The following GGT7 variants were observed in gnomAD, a reference collection of about 807,000 sequenced individuals.
GGT7 encodes the protein glutathione hydrolase 7.
A neutral mutation model predicts 69.2 loss-of-function variants in GGT7; 30 were observed. That is an observed-to-expected ratio of 0.43 (90% CI 0.32 to 0.59). GGT7 has a LOEUF of 0.59. GGT7 is among the 20% of genes least tolerant of loss of function. GGT7 has a pLI of 0.05. For synonymous variants in GGT7, 388 were observed against 391.8 expected (o/e 0.99, Z 0.12); for missense variants, 733 against 901.1 (o/e 0.81, Z 2.39).
chr20:34,867,579 G>T, intron 1 of GGT7, among the ~76,000 whole-genome samples: 1 of 152,104 alleles, frequency 6.6e-6, no homozygotes, highest in Non-Finnish European at 1.5e-5. Flanking sequence ...AGCCAGGAAT[G>T]GTGGTGTGCA....
chr20:34,859,419 C>A (rs754593599), intron 7 of GGT7, 24 bp downstream of exon 7: 1 of 1,546,968 alleles, frequency 6.5e-7, no homozygotes, highest in South Asian at 1.2e-5. Flanking sequence ...GGCATGCCCC[C>A]ACCCGCACAA....
In GGT7 at chr20:34,860,036, T is replaced by C. The variant is rs896653663; in HGVS notation, c.750A>G (p.Pro250=). ...HEAHQLYGRL[P]WSQVLAFAAA... ...CTGCAAAGGCCAGGACTTGGGACCA[T>C]GGCAGCCTGGGGGGGCCGGAGAGCA... The change falls in exon 6 of 15, where the codon CCA becomes CCG. Residue 250 remains proline, a synonymous_variant. Coordinates refer to ENST00000336431, the MANE Select transcript of GGT7 (RefSeq NM_178026.3). 7.6e-6 allele frequency: 10 copies of C among 1,307,234 alleles called. No individual in the cohort carries two copies. The highest frequency in any genetic ancestry group is 1.0e-5 in the Non-Finnish European group (10 of 1,001,150). The allele number at this position is 1,307,234 out of a possible 1,614,324, so 81.0% of individuals were successfully genotyped here. A position where few individuals can be genotyped will look rare whatever the true frequency, so the allele number is the denominator to read the frequency against.
chr20:34,862,929 G>C lies in GGT7; in HGVS notation c.442C>G (p.Arg148Gly). The C allele has an allele frequency of 1.9e-6, 3 of 1,613,886 alleles. No individual in the cohort carries two copies. The highest frequency in any genetic ancestry group is 1.7e-6 in the Non-Finnish European group (2 of 1,179,898). Reference protein sequence around the residue: ...QQGAVVTDAARCTSLGIEVLS... With the variant: ...QQGAVVTDAAGCTSLGIEVLS... The stretch of plus-strand genomic sequence containing the variant: ...ACCTCGATGCCCAGTGAAGTGCAGC[G>C]GGCAGCATCGGTCACCACGGCACCC... Residue 148 changes from arginine (R) to glycine (G), a missense_variant, in exon 3 of 15, where the codon CGC becomes GGC. Transcript: ENST00000336431.
rs749549644 is a variant in GGT7, at chr20:34,862,934, G to C, written c.437C>G (p.Ala146Gly). ...IFQQGAVVTD[A>G]ARCTSLGIEV... ...GATGCCCAGTGAAGTGCAGCGGGCA[G>C]CATCGGTCACCACGGCACCCTGCTG... Residue 146 changes from alanine to glycine, a missense_variant, in exon 3 of 15, where the codon GCT becomes GGT. By Grantham distance (60) the Ala-to-Gly change is moderately conservative (BLOSUM62 0). Coordinates refer to ENST00000336431, the MANE Select transcript of GGT7 (RefSeq NM_178026.3). 110 of 1,613,754 alleles carry C rather than the reference G, an allele frequency of 6.8e-5. No individual in the cohort carries two copies. Among genetic ancestry groups the C allele is most frequent in the Non-Finnish European group, 8.9e-5 (105 of 1,179,922 alleles).
Position 34,863,524 on chromosome 20 carries a change from G to A in GGT7, c.194C>T (p.Ala65Val). 1 of 1,590,494 alleles carries A rather than the reference G, an allele frequency of 6.3e-7. No individual in the cohort carries two copies. Among genetic ancestry groups the A allele is most frequent in the Admixed American group, 1.8e-5 (1 of 57,038 alleles). Reference protein sequence around the residue: ...DTDPDSFLKSARLQRLPSSSS... With the variant: ...DTDPDSFLKSVRLQRLPSSSS... ...CGACGATGGCAGCCGCTGCAGCCGT[G>A]CAGACTTCAGGAAGGAGTCCGGGTC... The change falls in exon 2 of 15, where the codon GCA becomes GTA. Residue 65 changes from alanine (A) to valine (V), a missense_variant. Transcript: ENST00000336431. The surrounding 1 kb of genome is among the most constrained non-coding windows in gnomAD (Gnocchi z 4.4).
intron 10 of GGT7, among the ~76,000 whole-genome samples, chr20:34,853,343 GTGTGT>G: frequency 5.7e-5 from 1 of 17,562 alleles, no homozygotes; most frequent in Non-Finnish European, 1.1e-4. Flanking sequence ...TCATATAGGT[GTGTGT>G]GTGTGTGTGT....
At chr20:34,858,870 A>C (rs2079536093) in intron 7 of GGT7, among the ~76,000 whole-genome samples, 1 of 152,136 alleles carries the variant, frequency 6.6e-6, no homozygotes, top group African/African-American at 2.4e-5. Context: ...GTACCTCTGA[A>C]TCAAGACAGA....
At chr20:34,852,013 C>T (rs902536105) in intron 12 of GGT7, 142 bp downstream of exon 12, 1 of 669,386 alleles carries the variant, frequency 1.5e-6, no homozygotes, top group Middle Eastern at 3.5e-4. Context: ...CTTAGCAGGG[C>T]TAGGGATGAG....
chr20:34,852,560 G>C, intron 10 of GGT7, 22 bp from the exon 11 acceptor site: 1 of 1,556,498 alleles, frequency 6.4e-7, no homozygotes, highest in Non-Finnish European at 8.7e-7. Flanking sequence ...AGGGGTGGGA[G>C]ATGAGCAAAC....
chr20:34,865,112 G>A (rs35393655), intron 1 of GGT7, among the ~76,000 whole-genome samples: 51,412 of 151,836 alleles, frequency 0.34, 9,155 homozygotes, highest in Middle Eastern at 0.41. Flanking sequence ...GTGAGCCACC[G>A]CACCCAGCCC....
In GGT7 at chr20:34,860,002, C is replaced by CTT; in HGVS notation, c.783_784insAA (p.Ala262LysfsTer8). The CTT allele has an allele frequency of 6.4e-7, 1 of 1,569,650 alleles. No homozygotes were observed. The highest frequency in any genetic ancestry group is 8.6e-7 in the Non-Finnish European group (1 of 1,156,648). ...TGAGTCACGTTGAAGCCATCTTGGG[C>CTT]CACAGCTGCTGCAAAGGCCAGGACT... On this transcript the variant is annotated frameshift_variant, in exon 6 of 15. Coordinates refer to ENST00000336431, the MANE Select transcript of GGT7 (RefSeq NM_178026.3). LOFTEE classifies it high-confidence loss of function.
At chr20:34,860,096 GT>G in intron 5 of GGT7, 54 bp from the exon 6 acceptor site, 1 of 810,836 alleles carries the variant, frequency 1.2e-6, no homozygotes, top group Non-Finnish European at 2.1e-6. Flanking sequence ...ATGAGGAGGG[GT>G]CCGGGGGGAG....
intron 14 of GGT7, among the ~76,000 whole-genome samples, chr20:34,846,804 C>T (rs2146878317): frequency 6.6e-6 from 1 of 152,266 alleles, no homozygotes; most frequent in African/African-American, 2.4e-5. Context: ...AATTCCTCCC[C>T]TCATTTCCTT....
At position 34,860,187 on chromosome 20, in the gene GGT7, G is replaced by A. The variant is rs1344627229; in HGVS notation, c.743+67C>T. The A allele has an allele frequency of 2.4e-5, 29 of 1,213,696 alleles. No homozygotes were observed. The East Asian group carries it at 6.3e-4, about 26-fold the overall frequency. The allele number at this position is 1,213,696 out of a possible 1,614,324, so 75.2% of individuals were successfully genotyped here. On this transcript the variant is annotated intron_variant, in intron 5 of 14. Transcript: ENST00000336431. Reference sequence around the variant, plus strand: ...GTTGGGAAAGGAAGAATCCAGGGAAGTAGGAGAAGGCCACCCAAGGAGAGA... The same window carrying A: ...GTTGGGAAAGGAAGAATCCAGGGAAATAGGAGAAGGCCACCCAAGGAGAGA...
intron 10 of GGT7, among the ~76,000 whole-genome samples, chr20:34,854,097 C>T (rs2079445701): frequency 6.6e-6 from 1 of 152,112 alleles, no homozygotes; most frequent in South Asian, 2.1e-4. Flanking sequence ...CCACCACGCC[C>T]GGCTAATTTT....
Position 34,859,568 on chromosome 20 carries a change from G to A in GGT7, c.889C>T (p.Arg297Cys), listed in dbSNP as rs749842520. ...AGCAACGAGCCAGGTAGTGGCGGGC[G>A]GCCCGATGGCAGGAACGTCTCCCGG... is the stretch of plus-strand genomic sequence containing the variant. The part of the protein sequence containing the change: ...RFRETFLPSG[R>C]PPLPGSLLHR... Residue 297 changes from arginine (R) to cysteine (C), a missense_variant, in exon 7 of 15, where the codon CGC (arginine) becomes TGC (cysteine). Coordinates refer to ENST00000336431, the MANE Select transcript of GGT7 (RefSeq NM_178026.3). The A allele has an allele frequency of 2.0e-5, 32 of 1,602,344 alleles. No homozygotes were observed. In the South Asian group the frequency reaches 2.2e-4, roughly 11 times the overall value.
chr20:34,850,884 C>A, intron 13 of GGT7: 1 of 593,432 alleles, frequency 1.7e-6, no homozygotes, highest in Non-Finnish European at 3.2e-6. Context: ...CTTTCAAATC[C>A]CACCCTAAAG....
chr20:34,864,791 T>C lies in GGT7; in HGVS notation c.170-1243A>G, dbSNP rs139282686. Among the ~76,000 whole-genome samples the C allele has an allele frequency of 8.9e-3, 1,357 of 151,702 alleles. 8 individuals are homozygous for C. Among genetic ancestry groups the C allele is most frequent in the Middle Eastern group, 0.028 (8 of 290 alleles). On this transcript the variant is annotated intron_variant, in intron 1 of 14. Coordinates refer to ENST00000336431, the MANE Select transcript of GGT7 (RefSeq NM_178026.3). ...CTGGGGAGAAGCTTGGGTTTTACCC[T>C]AAGGACTATGGGAGGTCACTACTCG...
At position 34,863,274 on chromosome 20, in the gene GGT7, C is replaced by A. The variant is rs12151936; in HGVS notation, c.405+39G>T. 19,804 of 1,417,158 alleles carry A rather than the reference C, an allele frequency of 0.014. 175 individuals are homozygous for A. The highest frequency in any genetic ancestry group is 0.016 in the Non-Finnish European group (16,050 of 1,014,670). The allele number at this position is 1,417,158 out of a possible 1,614,324, so 87.8% of individuals were successfully genotyped here. Reference sequence around the variant, plus strand: ...TCCTCAAACATTACCCCACTCCCCACTCCCCAGTTTCCTCCCCCTCCCCAT... The same window carrying A: ...TCCTCAAACATTACCCCACTCCCCAATCCCCAGTTTCCTCCCCCTCCCCAT... On this transcript the variant is annotated intron_variant, in intron 2 of 14. Transcript: ENST00000336431. The surrounding 1 kb of genome is among the most constrained non-coding windows in gnomAD (Gnocchi z 4.4).
Sources: gnomAD v4.1 joint callset for allele counts (sites outside exome capture counted in the v4.1 genomes callset) on GRCh38, gnomAD v4.1.1 for gene constraint, Gnocchi (gnomAD v3.1) non-coding constraint, MANE v1.5 for transcripts, NCBI Gene and HGNC (gene_info 2026-07-23, HGNC 2026-07-21) for gene names.